Variants in TMPO observed in about 807,000 individuals in gnomAD.
TMPO encodes thymopoietin.
A neutral mutation model predicts 45.4 loss-of-function variants in TMPO; 22 were observed. The observed-to-expected ratio is 0.48, with a 90% confidence interval of 0.35 to 0.69. The LOEUF (loss-of-function observed/expected upper bound fraction) is 0.69. Among genes scored for constraint, TMPO ranks in the 30% least tolerant of loss-of-function variants. TMPO has a pLI of 0.01. For synonymous variants in TMPO, 241 were observed against 204.1 expected (o/e 1.18, Z -1.54); for missense variants, 512 against 548.8 (o/e 0.93, Z 0.67).
chr12:98,515,775 G>T lies in TMPO; in HGVS notation c.-93G>T, dbSNP rs780138764. 6.5e-7 allele frequency: 1 copy of T among 1,548,548 alleles called. No individual in the cohort carries two copies. The highest frequency in any genetic ancestry group is 8.7e-7 in the Non-Finnish European group (1 of 1,146,752). Reference sequence around the variant, plus strand: ...TCCCGGGCAGGAGCCGTGAGGCTCGGAGGCGGCAGCGCGGTCCCCGGCCAG... The same window carrying T: ...TCCCGGGCAGGAGCCGTGAGGCTCGTAGGCGGCAGCGCGGTCCCCGGCCAG... On this transcript the variant is annotated 5_prime_UTR_variant, in exon 1 of 9. Coordinates refer to ENST00000556029, the MANE Select transcript of TMPO (RefSeq NM_001032283.3).
chr12:98,516,119 G>T lies in TMPO; in HGVS notation c.252G>T (p.Ala84=), dbSNP rs727504659. 5.7e-5 allele frequency: 86 copies of T among 1,509,426 alleles called. No homozygotes were observed. The highest frequency in any genetic ancestry group is 5.9e-5 in the Non-Finnish European group (67 of 1,139,092). 93.5% of individuals were successfully genotyped at this position (1,509,426 alleles called of 1,614,324 possible). Residue 84 remains alanine (A), a synonymous_variant, in exon 1 of 9, where the codon GCG becomes GCT. Transcript: ENST00000556029. ...TPVLGSGAAA[A]GRSRAAVGRK... ...TCCTCGGCTCTGGGGCCGCCGCCGCGGGCCGGAGCCGAGCAGCCGTCGGCA... is the reference window on the plus strand; with the variant it reads ...TCCTCGGCTCTGGGGCCGCCGCCGCTGGCCGGAGCCGAGCAGCCGTCGGCA...
chr12:98,523,033 T>C (rs1434240045), intron 1 of TMPO, among the ~76,000 whole-genome samples: 4 of 152,150 alleles, frequency 2.6e-5, no homozygotes, highest in Non-Finnish European at 5.9e-5. Flanking sequence ...ACGTTAGAGA[T>C]CATCGGGTAG....
intron 6 of TMPO, 101 bp from the exon 7 acceptor site, chr12:98,544,850 A>G: frequency 9.8e-7 from 1 of 1,018,836 alleles, no homozygotes; most frequent in Non-Finnish European, 1.5e-6. Context: ...TTACTAAGGG[A>G]AAATTTCTAA....
At chr12:98,538,855 A>G (rs1877730084) in intron 4 of TMPO, among the ~76,000 whole-genome samples, 1 of 152,094 alleles carries the variant, frequency 6.6e-6, no homozygotes, top group Non-Finnish European at 1.5e-5. Flanking sequence ...TACATGTTTT[A>G]TTGCCCTTTT....
intron 6 of TMPO, 31 bp from the exon 7 acceptor site, chr12:98,544,920 T>C (rs769066951): frequency 7.1e-5 from 102 of 1,444,186 alleles, no homozygotes; most frequent in Non-Finnish European, 9.4e-5. Flanking sequence ...GTTTGGATAA[T>C]TCTGAGTCTG....
chr12:98,528,389 G>A lies in TMPO; in HGVS notation c.406+377G>A, dbSNP rs965170686. Among the ~76,000 whole-genome samples the A allele has an allele frequency of 3.2e-4, 48 of 151,704 alleles. 1 individual carries two copies. The highest frequency in any genetic ancestry group is 1.1e-3 in the African/African-American group (46 of 41,362). ...CCTCCCGGGTTCATGCCATTCTCCT[G>A]CCTCAGCCTCCTGAGTAGCTGGGAC... On this transcript the variant is annotated intron_variant, in intron 2 of 8. Coordinates refer to ENST00000556029, the MANE Select transcript of TMPO (RefSeq NM_001032283.3).
chr12:98,537,488 G>C lies in TMPO; in HGVS notation c.579G>C (p.Glu193Asp). ...YSDNEEDSKI[E>D]LKLEKREPLK... ...TGTTATTTCCAGACTCTAAAATAGAGCTCAAGCTTGAGAAGAGAGAACCAC... is the reference window on the plus strand; with the variant it reads ...TGTTATTTCCAGACTCTAAAATAGACCTCAAGCTTGAGAAGAGAGAACCAC... The change falls in exon 4 of 9, where the codon GAG becomes GAC. Residue 193 changes from glutamate to aspartate, a missense_variant. Physicochemically the swap from Glu to Asp is conservative, Grantham distance 45. Coordinates refer to ENST00000556029, the MANE Select transcript of TMPO (RefSeq NM_001032283.3). 6.2e-7 allele frequency: 1 copy of C among 1,612,962 alleles called. No individual in the cohort carries two copies. Among genetic ancestry groups the C allele is most frequent in the Non-Finnish European group, 8.5e-7 (1 of 1,179,378 alleles).
At position 98,521,276 on chromosome 12, in the gene TMPO, T is replaced by A. The variant is rs973796752; in HGVS notation, c.279+5130T>A. ...GGTGGCACCTGCCACCACCCCCGGC[T>A]AATTTTTTTGTATTTTTAGTAGAGA... On this transcript the variant is annotated intron_variant, in intron 1 of 8. Transcript: ENST00000556029. Among the ~76,000 whole-genome samples the A allele has an allele frequency of 1.2e-4, 18 of 151,346 alleles. 1 individual carries two copies. The highest frequency in any genetic ancestry group is 4.4e-4 in the African/African-American group (18 of 41,340).
intron 1 of TMPO, among the ~76,000 whole-genome samples, chr12:98,525,074 C>T (rs1876663586): frequency 6.6e-6 from 1 of 152,212 alleles, no homozygotes; most frequent in African/African-American, 2.4e-5. Context: ...TTTTTCTGTA[C>T]TACCTGACTG....
intron 1 of TMPO, among the ~76,000 whole-genome samples, chr12:98,524,346 GGCAAATCACGAGCTCAGGA>G (rs1173504974): frequency 6.6e-6 from 1 of 152,126 alleles, no homozygotes; most frequent in African/African-American, 2.4e-5. Flanking sequence ...GGCTGAGGTG[GGCAAATCACGAGCTCAGGA>G]GTTTGAGACT....
intron 7 of TMPO, 71 bp downstream of exon 7, chr12:98,545,132 T>TTTG (rs1555205147): frequency 2.0e-6 from 2 of 1,008,932 alleles, no homozygotes; most frequent in South Asian, 1.7e-5. Flanking sequence ...TTTGTTTGTT[T>TTTG]TTTTTTTTTT....
intron 2 of TMPO, among the ~76,000 whole-genome samples, chr12:98,530,184 A>T (rs1265713263): frequency 6.6e-6 from 1 of 152,122 alleles, no homozygotes; most frequent in African/African-American, 2.4e-5. Flanking sequence ...TTTAAAAAAA[A>T]AAAAGTAGCC....
Position 98,544,441 on chromosome 12 carries a change from G to T in TMPO, c.784-1G>T. ...TTTTTGTTTTGTTTTCAAACTAACA[G>T]GTGGAAACTTCAGAACATTTTCGTA... On this transcript the variant is annotated splice_acceptor_variant, in intron 5 of 8. Transcript: ENST00000556029. LOFTEE classifies it high-confidence loss of function. 6.2e-7 allele frequency: 1 copy of T among 1,613,576 alleles called. No homozygotes were observed. The highest frequency in any genetic ancestry group is 2.2e-5 in the East Asian group (1 of 44,826).
chr12:98,535,150 A>G, intron 3 of TMPO: 1 of 985,252 alleles, frequency 1.0e-6, no homozygotes, highest in Non-Finnish European at 1.2e-6. Context: ...ATATCCTGGG[A>G]TAGTGCATGT....
rs759899689 is a variant in TMPO at position 98,516,088 on chromosome 12, C to A, written c.221C>A (p.Thr74Asn). 1 of 1,591,950 alleles carries A rather than the reference C, an allele frequency of 6.3e-7. No homozygotes were observed. Among genetic ancestry groups the A allele is most frequent in the Non-Finnish European group, 8.5e-7 (1 of 1,173,326 alleles). ...DFSSDEEREPTPVLGSGAAAA... is the reference protein window; with the variant it reads ...DFSSDEEREPNPVLGSGAAAA... Reference sequence around the variant, plus strand: ...TCCAGTGACGAAGAGCGCGAGCCCACCCCGGTCCTCGGCTCTGGGGCCGCC... The same window carrying A: ...TCCAGTGACGAAGAGCGCGAGCCCAACCCGGTCCTCGGCTCTGGGGCCGCC... The change falls in exon 1 of 9, where the codon ACC becomes AAC. Residue 74 changes from threonine (T) to asparagine (N), a missense_variant. Physicochemically the swap from Thr to Asn is moderately conservative, Grantham distance 65 (BLOSUM62 0). This residue lies in a region of TMPO where 299 missense variants were observed against 296.7 expected (regional missense o/e 1.01). Coordinates refer to ENST00000556029, the MANE Select transcript of TMPO (RefSeq NM_001032283.3).
At chr12:98,537,722 T>A in intron 4 of TMPO, 150 bp downstream of exon 4, 1 of 755,868 alleles carries the variant, frequency 1.3e-6, no homozygotes, top group Non-Finnish European at 2.3e-6. Flanking sequence ...AATCTAAACT[T>A]TGTGGGTTTT....
chr12:98,530,867 G>A (rs189118663), intron 2 of TMPO, among the ~76,000 whole-genome samples: 1 of 152,300 alleles, frequency 6.6e-6, no homozygotes. Flanking sequence ...AGTCATACAT[G>A]GCTTTTCAGT....
At chr12:98,525,720 A>G (rs1265595035) in intron 1 of TMPO, among the ~76,000 whole-genome samples, 7 of 149,924 alleles carry the variant, frequency 4.7e-5, no homozygotes, top group Non-Finnish European at 1.0e-4. Context: ...CAGCCTGGAT[A>G]AGAGTGAGGC....
chr12:98,550,083 A>C lies in TMPO; in HGVS notation c.*2225A>C, dbSNP rs1220709924. The stretch of plus-strand genomic sequence containing the variant: ...AATGTGGGGAGATAAATCAGACTTA[A>C]CATGTATGTAAGATCAATTCACTTA... On this transcript the variant is annotated 3_prime_UTR_variant, in exon 9 of 9. Transcript: ENST00000556029. The C allele has an allele frequency of 6.6e-6, 1 of 152,228 alleles. No individual in the cohort carries two copies. The highest frequency in any genetic ancestry group is 2.4e-5 in the African/African-American group (1 of 41,458). 9.4% of individuals were successfully genotyped at this position (152,228 alleles called of 1,614,324 possible).
Sources: gnomAD v4.1 joint callset for allele counts (sites outside exome capture counted in the v4.1 genomes callset) on GRCh38, gnomAD v4.1.1 for gene constraint, gnomAD v4.1.1 regional missense constraint, MANE v1.5 for transcripts, NCBI Gene and HGNC (gene_info 2026-07-23, HGNC 2026-07-21) for gene names.